Variants in OPA3 observed in about 807,000 individuals in gnomAD.
The protein encoded by OPA3 is optic atrophy 3 protein.
OPA3 carries 6 observed loss-of-function variants against 4.0 expected under a neutral mutation model. That is an observed-to-expected ratio of 1.51 (90% CI 0.83 to 2.99). The LOEUF (loss-of-function observed/expected upper bound fraction) is 2.99. Ranked by LOEUF, OPA3 falls within the 30% of genes most tolerant of loss-of-function variation. The pLI, the probability that OPA3 is intolerant of heterozygous loss-of-function variation, is 0.00. For synonymous variants in OPA3, 105 were observed against 117.1 expected (o/e 0.90, Z 0.67); for missense variants, 235 against 256.2 (o/e 0.92, Z 0.56).
chr19:45,573,349 G>T (rs1256503412), intron 1 of OPA3, among the ~76,000 whole-genome samples: 1 of 152,104 alleles, frequency 6.6e-6, no homozygotes, highest in Non-Finnish European at 1.5e-5. Flanking sequence ...TACTCGGGAG[G>T]CTGAGACAGG....
chr19:45,579,074 A>C (rs908989033), intron 1 of OPA3, among the ~76,000 whole-genome samples: 2 of 151,982 alleles, frequency 1.3e-5, no homozygotes, highest in Non-Finnish European at 2.9e-5. Context: ...CCCAGATGGC[A>C]ATGCTGCTCG....
At chr19:45,544,795 A>AAATAAATAAAT (rs1969226810), downstream of OPA3, among the ~76,000 whole-genome samples, 4 of 140,652 alleles carry the variant, frequency 2.8e-5, no homozygotes, top group African/African-American at 8.0e-5. Flanking sequence ...ACTCCGTCTC[A>AAATAAATAAAT]AAATAAATAA....
chr19:45,542,621 G>A (rs1333963502), downstream of OPA3, among the ~76,000 whole-genome samples: 1 of 151,610 alleles, frequency 6.6e-6, no homozygotes, highest in African/African-American at 2.4e-5. Context: ...GGTTTGTTGT[G>A]GACAGAAACC....
At chr19:45,566,135 A>T (rs987151287) in intron 1 of OPA3, among the ~76,000 whole-genome samples, 25 of 152,228 alleles carry the variant, frequency 1.6e-4, no homozygotes, top group Middle Eastern at 3.4e-3. Context: ...GATTGGTTTA[A>T]TATTCTTTTT....
chr19:45,581,243 A>G (rs991527766), intron 1 of OPA3, among the ~76,000 whole-genome samples: 1 of 152,138 alleles, frequency 6.6e-6, no homozygotes, highest in Non-Finnish European at 1.5e-5. Context: ...AGACCCCACC[A>G]AACACCGAAC....
intron 1 of OPA3, among the ~76,000 whole-genome samples, chr19:45,567,399 T>TC (rs927849315): frequency 2.1e-5 from 3 of 146,218 alleles, no homozygotes; most frequent in African/African-American, 7.6e-5. Flanking sequence ...CAGCAAGAAG[T>TC]ATCTCAGAAG....
At chr19:45,542,685 T>C (rs1969199992), downstream of OPA3, among the ~76,000 whole-genome samples, 1 of 80,596 alleles carries the variant, frequency 1.2e-5, no homozygotes, top group Admixed American at 1.2e-4. Flanking sequence ...TTTTTTTTTT[T>C]TTTGAGACGG....
chr19:45,582,305 G>A (rs943661392), intron 1 of OPA3, among the ~76,000 whole-genome samples: 28 of 151,554 alleles, frequency 1.8e-4, no homozygotes, highest in African/African-American at 6.5e-4. Flanking sequence ...GATTATAGGC[G>A]CCCGCCACCA....
chr19:45,575,166 T>G (rs1187416810), intron 1 of OPA3, among the ~76,000 whole-genome samples: 2 of 152,114 alleles, frequency 1.3e-5, no homozygotes, highest in Non-Finnish European at 2.9e-5. Context: ...TGTGGCACGA[T>G]CTCGGTTCAC....
intron 1 of OPA3, among the ~76,000 whole-genome samples, chr19:45,570,982 G>GGA (rs199521201): frequency 7.3e-6 from 1 of 137,172 alleles, no homozygotes; most frequent in Non-Finnish European, 1.6e-5. Context: ...ACTATTTGGG[G>GGA]GGGGGGGGCA....
At chr19:45,584,589 G>GA in intron 1 of OPA3, 34 bp downstream of exon 1, 1 of 1,614,124 alleles carries the variant, frequency 6.2e-7, no homozygotes, top group Non-Finnish European at 8.5e-7. Flanking sequence ...TTGGAGAAAG[G>GA]AAAAAGGTTG....
At chr19:45,545,714 T>TC (rs1280952686), downstream of OPA3, among the ~76,000 whole-genome samples, 2 of 145,708 alleles carry the variant, frequency 1.4e-5, no homozygotes, top group African/African-American at 5.1e-5. Flanking sequence ...GCTTTTCTTT[T>TC]TTTTTTTTTT....
At chr19:45,573,440 A>G (rs1007734022) in intron 1 of OPA3, among the ~76,000 whole-genome samples, 5 of 152,142 alleles carry the variant, frequency 3.3e-5, no homozygotes, top group Admixed American at 3.3e-4. Context: ...AACAAGAGCG[A>G]AACTCTGTCT....
chr19:45,550,395 G>A lies in OPA3; in HGVS notation c.*3119C>T, dbSNP rs1404784846. On this transcript the variant is annotated 3_prime_UTR_variant, in exon 2 of 2. Coordinates refer to ENST00000263275, the MANE Select transcript of OPA3 (RefSeq NM_025136.4). ...AATGCTATGATCTCTGGTGTGATCT[G>A]GGGCTGCTCTGAGAGGGGATAGAGA... 1 of 909,500 alleles carries A rather than the reference G, an allele frequency of 1.1e-6. No individual in the cohort carries two copies. The highest frequency in any genetic ancestry group is 3.0e-5 in the African/African-American group (1 of 33,680). The allele number at this position is 909,500 out of a possible 1,614,324, so 56.3% of individuals were successfully genotyped here.
At chr19:45,576,758 C>CT (rs1404951828) in intron 1 of OPA3, among the ~76,000 whole-genome samples, 1 of 152,310 alleles carries the variant, frequency 6.6e-6, no homozygotes, top group East Asian at 1.9e-4. Context: ...TTGCCTCCCT[C>CT]TTTCCCTTAT....
chr19:45,567,611 T>C (rs867835931), intron 1 of OPA3, among the ~76,000 whole-genome samples: 16 of 152,250 alleles, frequency 1.1e-4, no homozygotes, highest in Middle Eastern at 6.8e-3. Flanking sequence ...CCAATACTCA[T>C]TGAACTGTAG....
exon 2 of OPA3, chr19:45,528,887 TTAG>T (rs1969024752): frequency 4.1e-6 from 3 of 723,432 alleles, no homozygotes; most frequent in Admixed American, 5.5e-5. Flanking sequence ...ACTGGGCAGG[TTAG>T]TAGGGAGGTT....
chr19:45,542,499 G>T (rs183411278), downstream of OPA3, among the ~76,000 whole-genome samples: 32 of 152,232 alleles, frequency 2.1e-4, no homozygotes, highest in African/African-American at 7.7e-4. Flanking sequence ...ACTGAAAATT[G>T]CAGGAGTTGT....
At chr19:45,571,912 A>T (rs879922983) in intron 1 of OPA3, among the ~76,000 whole-genome samples, 9 of 151,918 alleles carry the variant, frequency 5.9e-5, no homozygotes, top group Non-Finnish European at 1.2e-4. Flanking sequence ...GTTTTGTTTA[A>T]TTCTTTTTCC....
Sources: gnomAD v4.1 joint callset for allele counts (sites outside exome capture counted in the v4.1 genomes callset) on GRCh38, gnomAD v4.1.1 for gene constraint, MANE v1.5 for transcripts, NCBI Gene and HGNC (gene_info 2026-07-23, HGNC 2026-07-21) for gene names.